Variants in ZNF662 observed in about 807,000 individuals in gnomAD.
ZNF662 encodes zinc finger protein 662.
Under a neutral mutation model 12.4 loss-of-function variants are expected in ZNF662, and 14 were observed. The ratio of observed to expected loss-of-function variants is 1.13; its 90% CI spans 0.75 to 1.77. ZNF662 has a LOEUF of 1.77. ZNF662 is among the 40% of genes most tolerant of loss of function. ZNF662 has a pLI of 0.00. For missense variants in ZNF662, 550 were observed against 515.6 expected (o/e 1.07, Z -0.65); for synonymous variants, 184 against 176.4 (o/e 1.04, Z -0.34).
Position 42,915,794 on chromosome 3 carries a change from T to G in ZNF662, c.*440T>G, listed in dbSNP as rs891583581. 8.2e-5 allele frequency: 13 copies of G among 158,688 alleles called. No individual in the cohort carries two copies. The highest frequency in any genetic ancestry group is 1.7e-4 in the Non-Finnish European group (12 of 71,710). The allele number at this position is 158,688 out of a possible 1,614,324, so 9.8% of individuals were successfully genotyped here. The stretch of plus-strand genomic sequence containing the variant: ...GTACATATTTATGTCTCTGCCCATT[T>G]TTATTTGCTTATTTTCCTGTGCTTT... On this transcript the variant is annotated 3_prime_UTR_variant, in exon 5 of 5. Coordinates refer to ENST00000440367, the MANE Select transcript of ZNF662 (RefSeq NM_207404.4).
In ZNF662 at chr3:42,908,041, A is replaced by T. The variant is rs747292510; in HGVS notation, c.-74A>T. 1.2e-6 allele frequency: 2 copies of T among 1,614,012 alleles called. No individual in the cohort carries two copies. Among genetic ancestry groups the T allele is most frequent in the East Asian group, 4.5e-5 (2 of 44,874 alleles). ...TTTCAGGAGTCAGTGACCTTCGAGG[A>T]TGTGGCCGTCTACTTCTCTGAGAAC... On this transcript the variant is annotated 5_prime_UTR_variant, in exon 2 of 5. An upstream start codon of the reference 5' UTR is lost. Transcript: ENST00000440367.
chr3:42,907,441 C>T (rs1388403563), intron 1 of ZNF662, among the ~76,000 whole-genome samples: 1 of 152,078 alleles, frequency 6.6e-6, no homozygotes, highest in Non-Finnish European at 1.5e-5. Flanking sequence ...GAGTCCTATA[C>T]AGGGGCAGCA....
At chr3:42,912,720 A>ATTTTATATATATATAAATATATATATATT (rs2088841237) in intron 3 of ZNF662, among the ~76,000 whole-genome samples, 1 of 66,430 alleles carries the variant, frequency 1.5e-5, no homozygotes, top group Non-Finnish European at 2.8e-5. Flanking sequence ...ATATATATAT[A>ATTTTATATATATATAAATATATATATATT]TTTTTTATAT....
In ZNF662 at chr3:42,914,821, T is replaced by C; in HGVS notation, c.748T>C (p.Cys250Arg). Residue 250 changes from cysteine (C) to arginine (R), a missense_variant, in exon 5 of 5, where the codon TGT becomes CGT. By Grantham distance (180) the Cys-to-Arg change is radical. Coordinates refer to ENST00000440367, the MANE Select transcript of ZNF662 (RefSeq NM_207404.4). ...TCACAGTGGGGTGAAACCCTATGAA[T>C]GTCAAGAATGTGCTAAGGCCTTTGT... ...RIHSGVKPYE[C>R]QECAKAFVWK... The C allele has an allele frequency of 6.2e-7, 1 of 1,614,114 alleles. No individual in the cohort carries two copies. The highest frequency in any genetic ancestry group is 1.1e-5 in the South Asian group (1 of 91,076).
At chr3:42,911,145 C>A (rs768934144) in intron 3 of ZNF662, among the ~76,000 whole-genome samples, 1 of 152,272 alleles carries the variant, frequency 6.6e-6, no homozygotes, top group Non-Finnish European at 1.5e-5. Flanking sequence ...TAATGGACTA[C>A]CTTAAGTCAT....
rs1298790052 is a variant in ZNF662 at position 42,917,181 on chromosome 3, G to T, written c.*1827G>T. The T allele has an allele frequency of 3.1e-6, 1 of 325,736 alleles. No homozygotes were observed. Among genetic ancestry groups the T allele is most frequent in the Non-Finnish European group, 5.5e-6 (1 of 181,894 alleles). 20.2% of individuals were successfully genotyped at this position (325,736 alleles called of 1,614,324 possible). A position where few individuals can be genotyped will look rare whatever the true frequency, so the allele number is the denominator to read the frequency against. On this transcript the variant is annotated 3_prime_UTR_variant, in exon 5 of 5. Transcript: ENST00000440367. ...CCTTCTCTCTGGGAACAGTTACCCG[G>T]GTATTCTTTGGGAAGCTATCCTTTC...
At chr3:42,912,555 AAT>A (rs1201585223) in intron 3 of ZNF662, among the ~76,000 whole-genome samples, 2 of 6,846 alleles carry the variant, frequency 2.9e-4, no homozygotes, top group African/African-American at 2.3e-4. Flanking sequence ...ATTTAATATA[AAT>A]ATATATATAA....
chr3:42,916,294 TC>T lies in ZNF662; in HGVS notation c.*941del, dbSNP rs2088895876. On this transcript the variant is annotated 3_prime_UTR_variant, in exon 5 of 5. Coordinates refer to ENST00000440367, the MANE Select transcript of ZNF662 (RefSeq NM_207404.4). ...AATTGTGAACTCTAAGACCTTTTCT[TC>T]AGAAGTTGCTTTCCTTTTGAGGCCA... The T allele has an allele frequency of 6.6e-6, 1 of 152,066 alleles. No individual in the cohort carries two copies. The highest frequency in any genetic ancestry group is 2.4e-5 in the African/African-American group (1 of 41,398). The allele number at this position is 152,066 out of a possible 1,614,324, so 9.4% of individuals were successfully genotyped here.
rs1264279849 is a variant in ZNF662, at chr3:42,915,067, T to TA, written c.995dup (p.Tyr332Ter). Reference protein sequence around the residue: ...HQRMHTGEKPYECKDCGKGFM... With the variant: ...HQRMHTGEKP ...GAGAATGCACACTGGGGAGAAGCCT[T>TA]ACGAATGTAAGGACTGTGGGAAGGG... The change falls in exon 5 of 5, where the codon TAC becomes TAAC. Residue 332 changes from tyrosine (Y) to a stop codon, truncating the protein, a stop_gained and frameshift_variant. Coordinates refer to ENST00000440367, the MANE Select transcript of ZNF662 (RefSeq NM_207404.4). LOFTEE classifies it low-confidence loss of function (END_TRUNC). 19 of 1,614,062 alleles carry TA rather than the reference T, an allele frequency of 1.2e-5. No individual in the cohort carries two copies. In the East Asian group the frequency reaches 4.0e-4, roughly 34 times the overall value.
In ZNF662 at chr3:42,917,979, G is replaced by A. The variant is rs915278612; in HGVS notation, c.*2625G>A. On this transcript the variant is annotated 3_prime_UTR_variant, in exon 5 of 5. Coordinates refer to ENST00000440367, the MANE Select transcript of ZNF662 (RefSeq NM_207404.4). ...AAATTAGCCAGGTGTGGTGGCACAT[G>A]CCAGTAATCTCAGCTACTCAGGAGG... Among the ~76,000 whole-genome samples, 1 of 152,214 alleles carries A rather than the reference G, an allele frequency of 6.6e-6. No homozygotes were observed. Among genetic ancestry groups the A allele is most frequent in the African/African-American group, 2.4e-5 (1 of 41,452 alleles).
In ZNF662 at chr3:42,917,171, C is replaced by G; in HGVS notation, c.*1817C>G. ...CATCTCTTCCCCTTCTCTCTGGGAA[C>G]AGTTACCCGGGTATTCTTTGGGAAG... On this transcript the variant is annotated 3_prime_UTR_variant, in exon 5 of 5. Transcript: ENST00000440367. 3.2e-6 allele frequency: 1 copy of G among 308,148 alleles called. No individual in the cohort carries two copies. Among genetic ancestry groups the G allele is most frequent in the Non-Finnish European group, 5.9e-6 (1 of 170,720 alleles). 19.1% of individuals were successfully genotyped at this position (308,148 alleles called of 1,614,324 possible). A position where few individuals can be genotyped will look rare whatever the true frequency, so the allele number is the denominator to read the frequency against.
chr3:42,907,591 G>A, intron 1 of ZNF662: 2 of 774,792 alleles, frequency 2.6e-6, no homozygotes, highest in South Asian at 5.8e-5. Context: ...TCTAAAAAAC[G>A]GATCTGATAG....
At chr3:42,910,099 C>G (rs192882595) in intron 3 of ZNF662, among the ~76,000 whole-genome samples, 14 of 152,324 alleles carry the variant, frequency 9.2e-5, no homozygotes, top group African/African-American at 3.4e-4. Context: ...GTCTGCAATC[C>G]TGGCACCTCG....
At position 42,915,433 on chromosome 3, in the gene ZNF662, A is replaced by G. The variant is rs1403598053; in HGVS notation, c.*79A>G. ...AGACAAAATGAGATGACCATTCACA[A>G]TTTGCTGTAACCCTTAACTTAAATA... On this transcript the variant is annotated 3_prime_UTR_variant, in exon 5 of 5. Coordinates refer to ENST00000440367, the MANE Select transcript of ZNF662 (RefSeq NM_207404.4). 6 of 1,376,196 alleles carry G rather than the reference A, an allele frequency of 4.4e-6. No homozygotes were observed. The allele number at this position is 1,376,196 out of a possible 1,614,324, so 85.2% of individuals were successfully genotyped here.
chr3:42,910,350 G>C (rs2088768068), intron 3 of ZNF662, among the ~76,000 whole-genome samples: 1 of 152,176 alleles, frequency 6.6e-6, no homozygotes, highest in Non-Finnish European at 1.5e-5. Flanking sequence ...TGCAAAGAGG[G>C]AGAGGGGGAG....
In ZNF662 at chr3:42,914,474, G is replaced by A. The variant is rs2088874197; in HGVS notation, c.401G>A (p.Arg134Lys). Residue 134 changes from arginine to lysine, a missense_variant, in exon 5 of 5, where the codon AGG (arginine) becomes AAG (lysine). Physicochemically the swap from Arg to Lys is conservative, Grantham distance 26. Coordinates refer to ENST00000440367, the MANE Select transcript of ZNF662 (RefSeq NM_207404.4). ...GGGAAAACCTGTGAAGAGAAAAGCA[G>A]GTTAGGGAGATGGCCTGGTTACCTC... The part of the protein sequence containing the change: ...WFGKTCEEKS[R>K]LGRWPGYLNG... 1 of 1,614,054 alleles carries A rather than the reference G, an allele frequency of 6.2e-7. No individual in the cohort carries two copies. Among genetic ancestry groups the A allele is most frequent in the East Asian group, 2.2e-5 (1 of 44,874 alleles).
Position 42,906,278 on chromosome 3 carries a change from G to C in ZNF662, c.-94+110G>C. On this transcript the variant is annotated intron_variant, in intron 1 of 4. Coordinates refer to ENST00000440367, the MANE Select transcript of ZNF662 (RefSeq NM_207404.4). This position sits in a 1 kb window ranked among gnomAD's most constrained non-coding sequence, Gnocchi z 4.4. ...CGTGTCAGGCCTGCCCAGGTGCAGA[G>C]CGCTCTTCCGCGACCCCAACAGCCT... The C allele has an allele frequency of 7.1e-7, 1 of 1,412,252 alleles. No individual in the cohort carries two copies. Among genetic ancestry groups the C allele is most frequent in the South Asian group, 1.3e-5 (1 of 77,048 alleles). 87.5% of individuals were successfully genotyped at this position (1,412,252 alleles called of 1,614,324 possible).
In ZNF662 at chr3:42,913,282, G is replaced by C; in HGVS notation, c.233G>C (p.Gly78Ala). The C allele has an allele frequency of 6.2e-7, 1 of 1,613,862 alleles. No homozygotes were observed. The highest frequency in any genetic ancestry group is 8.5e-7 in the Non-Finnish European group (1 of 1,179,798). ...TTAAACCTGAAACTGCAAGGAGAGG[G>C]TCCAAGCCTGATTTGTCCGGGTAAG... is the stretch of plus-strand genomic sequence containing the variant. ...EPLNLKLQGEGPSLICPEGVL... is the reference protein window; with the variant it reads ...EPLNLKLQGEAPSLICPEGVL... Residue 78 changes from glycine (G) to alanine (A), a missense_variant, in exon 4 of 5, where the codon GGT becomes GCT. Physicochemically the swap from Gly to Ala is moderately conservative, Grantham distance 60 (BLOSUM62 0). Coordinates refer to ENST00000440367, the MANE Select transcript of ZNF662 (RefSeq NM_207404.4).
chr3:42,907,291 C>T (rs932050702), intron 1 of ZNF662, among the ~76,000 whole-genome samples: 1 of 151,936 alleles, frequency 6.6e-6, no homozygotes, highest in Non-Finnish European at 1.5e-5. Context: ...GAGAGTGTTG[C>T]GGGTGGTGGG....
Sources: allele counts gnomAD v4.1 joint callset (sites outside exome capture counted in the v4.1 genomes callset), GRCh38; gene constraint gnomAD v4.1.1; non-coding constraint Gnocchi (gnomAD v3.1); transcripts MANE v1.5; gene names NCBI Gene and HGNC (gene_info 2026-07-23, HGNC 2026-07-21).